The following FBXO34 variants were observed in gnomAD, a reference collection of about 807,000 sequenced individuals.
The protein encoded by FBXO34 is F-box only protein 34.
A neutral mutation model predicts 24.5 loss-of-function variants in FBXO34; 12 were observed. That is an observed-to-expected ratio of 0.49 (90% CI 0.31 to 0.79). The LOEUF is 0.79. Ranked by LOEUF, FBXO34 falls within the 30% of genes least tolerant of loss-of-function variation. The probability of loss-of-function intolerance (pLI) is 0.04; values close to 1 mark genes in which losing one functional copy is unlikely to be tolerated. For missense variants in FBXO34, 823 were observed against 857.7 expected (o/e 0.96, Z 0.51); for synonymous variants, 320 against 311.9 (o/e 1.03, Z -0.27).
chr14:55,336,888 A>G (rs893357580), intron 1 of FBXO34, among the ~76,000 whole-genome samples: 1 of 150,830 alleles, frequency 6.6e-6, no homozygotes, highest in Non-Finnish European at 1.5e-5. Flanking sequence ...ACACACACAC[A>G]CACACATATA....
chr14:55,278,740 T>C (rs1222641158), intron 1 of FBXO34, among the ~76,000 whole-genome samples: 2 of 152,182 alleles, frequency 1.3e-5, no homozygotes, highest in Non-Finnish European at 2.9e-5. Context: ...TAGGCTGGAG[T>C]ACAGTGGTGC....
At chr14:55,382,661 C>T in the FBXO34 span, among the ~76,000 whole-genome samples, 4 of 152,102 alleles carry the variant, frequency 2.6e-5, no homozygotes, top group African/African-American at 9.7e-5. Flanking sequence ...AGGAATTTAA[C>T]TGAAATATAC....
chr14:55,275,792 T>G (rs888038433), intron 1 of FBXO34, among the ~76,000 whole-genome samples: 3 of 134,316 alleles, frequency 2.2e-5, no homozygotes, highest in African/African-American at 5.4e-5. Flanking sequence ...CCACTGCACT[T>G]AAGCCTGGGT....
chr14:55,368,235 T>G (rs1884727713), downstream of FBXO34: 1 of 152,700 alleles, frequency 6.5e-6, no homozygotes, highest in Non-Finnish European at 1.5e-5. Flanking sequence ...TCTTTTTTTT[T>G]TTGAGACGGA....
At chr14:55,321,288 G>C (rs1011854912) in intron 1 of FBXO34, among the ~76,000 whole-genome samples, 6 of 151,870 alleles carry the variant, frequency 4.0e-5, no homozygotes, top group Admixed American at 6.6e-5. Flanking sequence ...AAAATGGCAC[G>C]TGCTTTACAC....
At chr14:55,406,419 T>G in the FBXO34 span, among the ~76,000 whole-genome samples, 13 of 152,292 alleles carry the variant, frequency 8.5e-5, no homozygotes, top group Admixed American at 2.6e-4. Context: ...TTCATGAAGT[T>G]AAGGGGAAAA....
At chr14:55,336,212 T>C (rs867066433) in intron 1 of FBXO34, among the ~76,000 whole-genome samples, 2 of 152,238 alleles carry the variant, frequency 1.3e-5, no homozygotes, top group Non-Finnish European at 2.9e-5. Flanking sequence ...TTTATTGTTA[T>C]ACTTCCCATG....
At chr14:55,428,856 A>G in the FBXO34 span, 2 of 1,614,198 alleles carry the variant, frequency 1.2e-6, no homozygotes, top group East Asian at 4.5e-5. Flanking sequence ...CTGATGGGAA[A>G]TCTCACATCA....
the FBXO34 span, among the ~76,000 whole-genome samples, chr14:55,424,879 A>G: frequency 6.6e-6 from 1 of 152,082 alleles, no homozygotes; most frequent in Non-Finnish European, 1.5e-5. Context: ...TCTTCTCCAC[A>G]CTCCAGCCTG....
chr14:55,304,692 G>A (rs1004527198), intron 1 of FBXO34, among the ~76,000 whole-genome samples: 7 of 150,390 alleles, frequency 4.7e-5, no homozygotes, highest in Non-Finnish European at 1.0e-4. Context: ...TAGAGATGAG[G>A]TCTTGCTGTG....
At chr14:55,381,272 C>T in the FBXO34 span, among the ~76,000 whole-genome samples, 5 of 152,168 alleles carry the variant, frequency 3.3e-5, no homozygotes, top group African/African-American at 7.2e-5. Context: ...TACTGAGTGA[C>T]GAAATGAACA....
chr14:55,287,016 C>CTCG (rs1003259542), intron 1 of FBXO34, among the ~76,000 whole-genome samples: 10 of 149,594 alleles, frequency 6.7e-5, no homozygotes, highest in African/African-American at 2.2e-4. Context: ...TCAAGCGATT[C>CTCG]TCGTGCCTTG....
downstream of FBXO34, among the ~76,000 whole-genome samples, chr14:55,370,402 TCAC>T (rs35577968): frequency 0.26 from 40,107 of 151,998 alleles, 5,908 homozygotes; most frequent in Non-Finnish European, 0.32. Flanking sequence ...TTTAAAAATA[TCAC>T]CACAATTTTC....
At chr14:55,370,694 T>G (rs113333931), downstream of FBXO34, among the ~76,000 whole-genome samples, 1 of 151,850 alleles carries the variant, frequency 6.6e-6, no homozygotes, top group Non-Finnish European at 1.5e-5. Flanking sequence ...CAGGCTGGAG[T>G]GCAGTGGCGC....
chr14:55,357,479 A>G (rs975351531), downstream of FBXO34, among the ~76,000 whole-genome samples: 3 of 152,232 alleles, frequency 2.0e-5, no homozygotes, highest in African/African-American at 7.2e-5. Context: ...TTCTTTTTGA[A>G]TTAAGGTGGA....
In FBXO34 at chr14:55,277,380, T is replaced by G. The variant is rs1010680344; in HGVS notation, c.-11+5843T>G. Among the ~76,000 whole-genome samples, 3 of 152,228 alleles carry G rather than the reference T, an allele frequency of 2.0e-5. No homozygotes were observed. In the South Asian group the frequency reaches 6.2e-4, roughly 31 times the overall value. On this transcript the variant is annotated intron_variant, in intron 1 of 1. Transcript: ENST00000313833. ...TGTTGCCCAGACTGAAGTACAGTGGTGCAATTCATAGCTCACTGTAACATT... is the reference window on the plus strand; with the variant it reads ...TGTTGCCCAGACTGAAGTACAGTGGGGCAATTCATAGCTCACTGTAACATT...
At chr14:55,306,997 A>G (rs1314520353) in intron 1 of FBXO34, among the ~76,000 whole-genome samples, 2 of 152,238 alleles carry the variant, frequency 1.3e-5, no homozygotes, top group Non-Finnish European at 2.9e-5. Flanking sequence ...CTATTAGCTA[A>G]TTCCGAGATT....
At chr14:55,392,754 A>C in the FBXO34 span, among the ~76,000 whole-genome samples, 1 of 152,156 alleles carries the variant, frequency 6.6e-6, no homozygotes, top group Non-Finnish European at 1.5e-5. Context: ...CAATGCTCAA[A>C]TGTTCATGGT....
At chr14:55,431,784 T>C in the FBXO34 span, among the ~76,000 whole-genome samples, 1 of 152,230 alleles carries the variant, frequency 6.6e-6, no homozygotes, top group Non-Finnish European at 1.5e-5. Context: ...AAATTCTAGA[T>C]CTGCTCTGTC....
Sources: allele counts gnomAD v4.1 joint callset (sites outside exome capture counted in the v4.1 genomes callset), GRCh38; gene constraint gnomAD v4.1.1; transcripts MANE v1.5; gene names NCBI Gene and HGNC (gene_info 2026-07-23, HGNC 2026-07-21).